Variants in RORB observed in about 807,000 individuals in gnomAD.
The protein encoded by RORB is nuclear receptor ROR-beta.
In RORB, 6 loss-of-function variants were observed where a neutral mutation model predicts 59.1. The ratio of observed to expected loss-of-function variants is 0.10; its 90% CI spans 0.06 to 0.20. The LOEUF is 0.20. RORB is among the 10% of genes least tolerant of loss of function. RORB has a pLI of 1.00. For synonymous variants in RORB, 215 were observed against 204.5 expected, an observed-to-expected ratio of 1.05 and a Z score of -0.44; for missense variants, 320 against 560.5, an observed-to-expected ratio of 0.57 and a Z score of 4.33.
intron 1 of RORB, among the ~76,000 whole-genome samples, chr9:74,561,954 T>C (rs1822401611): frequency 6.6e-6 from 1 of 152,146 alleles, no homozygotes; most frequent in South Asian, 2.1e-4. Flanking sequence ...TCCACTCAAT[T>C]TGGGTTTGTC....
At chr9:74,543,610 T>A (rs1826446714) in intron 1 of RORB, among the ~76,000 whole-genome samples, 1 of 152,060 alleles carries the variant, frequency 6.6e-6, no homozygotes, top group Admixed American at 6.6e-5. Context: ...AGTTTAATTT[T>A]TTTTTTAATC....
chr9:74,501,314 T>C (rs1587328431), intron 1 of RORB, among the ~76,000 whole-genome samples: 1 of 152,218 alleles, frequency 6.6e-6, no homozygotes. Flanking sequence ...TGCTAAACTT[T>C]AGAAAAGAGG....
chr9:74,629,490 T>G (rs1563957875), intron 1 of RORB, among the ~76,000 whole-genome samples: 1 of 151,952 alleles, frequency 6.6e-6, no homozygotes, highest in Non-Finnish European at 1.5e-5. Flanking sequence ...CTCCAATCTT[T>G]TTTCATTTCC....
At chr9:74,546,266 G>A (rs531530271) in intron 1 of RORB, among the ~76,000 whole-genome samples, 5 of 152,332 alleles carry the variant, frequency 3.3e-5, no homozygotes, top group Admixed American at 2.0e-4. Flanking sequence ...AGATATGCCA[G>A]GGTTTAGGGA....
chr9:74,567,278 T>C (rs532458811), intron 1 of RORB, among the ~76,000 whole-genome samples: 11 of 152,236 alleles, frequency 7.2e-5, no homozygotes, highest in Middle Eastern at 3.4e-3. Context: ...CCACCCGCCT[T>C]GGCCTCCCAA....
At chr9:74,681,375 CA>C (rs1196773512) in intron 9 of RORB, among the ~76,000 whole-genome samples, 1 of 152,230 alleles carries the variant, frequency 6.6e-6, no homozygotes, top group African/African-American at 2.4e-5. Flanking sequence ...CCTCCTGGCC[CA>C]CCATGCCTCC....
At chr9:74,533,558 T>C (rs1650878687) in intron 1 of RORB, among the ~76,000 whole-genome samples, 1 of 152,040 alleles carries the variant, frequency 6.6e-6, no homozygotes, top group African/African-American at 2.4e-5. Context: ...TATTATTTTG[T>C]TGTCTTTTAA....
At chr9:74,555,478 G>A (rs1265023226) in intron 1 of RORB, among the ~76,000 whole-genome samples, 1 of 152,130 alleles carries the variant, frequency 6.6e-6, no homozygotes, top group African/African-American at 2.4e-5. Flanking sequence ...TAAATATATG[G>A]TATGTTTCCA....
intron 8 of RORB, among the ~76,000 whole-genome samples, chr9:74,670,749 G>C (rs1824332998): frequency 6.6e-6 from 1 of 152,282 alleles, no homozygotes; most frequent in East Asian, 1.9e-4. Flanking sequence ...AAGAGCCACT[G>C]TGTATTAGGC....
At chr9:74,561,742 C>A (rs994739982) in intron 1 of RORB, among the ~76,000 whole-genome samples, 3 of 152,134 alleles carry the variant, frequency 2.0e-5, no homozygotes, top group Non-Finnish European at 4.4e-5. Context: ...TACAATACTA[C>A]TAATTAAATA....
At chr9:74,655,254 C>T (rs954919296) in intron 4 of RORB, among the ~76,000 whole-genome samples, 3 of 152,170 alleles carry the variant, frequency 2.0e-5, no homozygotes, top group South Asian at 2.1e-4. Context: ...CAGCCTCATC[C>T]GTGGTCTCAG....
At chr9:74,665,706 C>A in intron 7 of RORB, 111 bp downstream of exon 7, 1 of 708,536 alleles carries the variant, frequency 1.4e-6, no homozygotes, top group Non-Finnish European at 2.5e-6. Context: ...ACCAGTATCT[C>A]ATTATTCGAT....
intron 1 of RORB, among the ~76,000 whole-genome samples, chr9:74,538,364 TAACAATAA>T (rs558119612): frequency 3.3e-3 from 509 of 152,234 alleles, no homozygotes; most frequent in African/African-American, 0.011. Context: ...AAAGAAATGT[TAACAATAA>T]AGAAATTTAT....
chr9:74,525,853 G>C (rs1826150029), intron 1 of RORB, among the ~76,000 whole-genome samples: 1 of 151,922 alleles, frequency 6.6e-6, no homozygotes, highest in African/African-American at 2.4e-5. Context: ...TTTTCACGTA[G>C]AGCCAACGCT....
At chr9:74,549,133 T>C (rs1815914982) in intron 1 of RORB, among the ~76,000 whole-genome samples, 1 of 152,182 alleles carries the variant, frequency 6.6e-6, no homozygotes, top group Non-Finnish European at 1.5e-5. Flanking sequence ...CCTGTTTATA[T>C]TCTCAGCCAC....
At position 74,688,321 on chromosome 9, in the gene RORB, A is replaced by G. The variant is rs1199030632; in HGVS notation, c.*2703A>G. 6.6e-6 allele frequency: 1 copy of G among 152,204 alleles called. No homozygotes were observed. The highest frequency in any genetic ancestry group is 1.5e-5 in the Non-Finnish European group (1 of 68,050). 9.4% of individuals were successfully genotyped at this position (152,204 alleles called of 1,614,324 possible). A position where few individuals can be genotyped will look rare whatever the true frequency, so the allele number is the denominator to read the frequency against. ...GTTGCCCAACCTTCCCTTTAAAGAG[A>G]ATCCAGTCATGTTTTCAATGGTAAA... On this transcript the variant is annotated 3_prime_UTR_variant, in exon 10 of 10. Transcript: ENST00000376896.
chr9:74,624,941 A>C (rs1223916690), intron 1 of RORB, among the ~76,000 whole-genome samples: 3 of 152,204 alleles, frequency 2.0e-5, no homozygotes, highest in African/African-American at 7.2e-5. Flanking sequence ...AGAAGCTAAC[A>C]GGTGAATCCA....
chr9:74,565,594 A>G (rs908129826), intron 1 of RORB, among the ~76,000 whole-genome samples: 4 of 152,172 alleles, frequency 2.6e-5, no homozygotes, highest in African/African-American at 7.2e-5. Context: ...AAATTTATCA[A>G]TTGTGAAGTT....
chr9:74,685,287 T>C (rs571344438), intron 9 of RORB, among the ~76,000 whole-genome samples, 176 bp from the exon 10 acceptor site: 3 of 138,140 alleles, frequency 2.2e-5, no homozygotes, highest in Middle Eastern at 3.5e-3. Context: ...CGGGGGTGGG[T>C]ACGTTTTATT....
Sources: allele counts gnomAD v4.1 joint callset (sites outside exome capture counted in the v4.1 genomes callset), GRCh38; gene constraint gnomAD v4.1.1; transcripts MANE v1.5; gene names NCBI Gene and HGNC (gene_info 2026-07-23, HGNC 2026-07-21).